The following SPMIP5 variants were observed in gnomAD, a reference collection of about 807,000 sequenced individuals.
SPMIP5 encodes the protein sperm microtubule inner protein 5.
At chr10:116,668,843 G>A in the SPMIP5 span, among the ~76,000 whole-genome samples, 1 of 151,784 alleles carries the variant, frequency 6.6e-6, no homozygotes, top group South Asian at 2.1e-4. Flanking sequence ...AATGTCCAGA[G>A]GCATATTTGG....
chr10:116,663,074 T>G, the SPMIP5 span, among the ~76,000 whole-genome samples: 1 of 149,754 alleles, frequency 6.7e-6, no homozygotes, highest in Non-Finnish European at 1.5e-5. Context: ...CCCAGCTACT[T>G]GGGAGGCTGA....
the SPMIP5 span, among the ~76,000 whole-genome samples, chr10:116,662,752 A>T: frequency 6.6e-6 from 1 of 152,144 alleles, no homozygotes; most frequent in Admixed American, 6.5e-5. Flanking sequence ...TCCCTCAAAA[A>T]AAACATGAAA....
chr10:116,665,066 C>T, the SPMIP5 span: 1 of 1,485,614 alleles, frequency 6.7e-7, no homozygotes, highest in Non-Finnish European at 8.9e-7. Flanking sequence ...GACCAGCACC[C>T]TCTTCCCTAA....
chr10:116,663,025 AC>A, the SPMIP5 span, among the ~76,000 whole-genome samples: 2 of 152,042 alleles, frequency 1.3e-5, no homozygotes, highest in Non-Finnish European at 2.9e-5. Context: ...TACTAAAAAT[AC>A]AAAAAATCAG....
the SPMIP5 span, among the ~76,000 whole-genome samples, chr10:116,668,933 GCACACA>G: frequency 0.3 from 40,510 of 135,272 alleles, 6,201 homozygotes; most frequent in Admixed American, 0.37. Context: ...GCACACACAT[GCACACA>G]CACACACACA....
the SPMIP5 span, among the ~76,000 whole-genome samples, chr10:116,667,942 ATGTGTCTATCCTCATCACAT>A: frequency 1.0e-3 from 154 of 152,322 alleles, no homozygotes; most frequent in Non-Finnish European, 1.8e-3. Context: ...CTACTTATTC[ATGTGTCTATCCTCATCACAT>A]TGTGTCTATC....
the SPMIP5 span, chr10:116,668,254 T>C: frequency 6.2e-7 from 1 of 1,613,230 alleles, no homozygotes; most frequent in Non-Finnish European, 8.5e-7. Context: ...ACGTCCACAC[T>C]TACCGCTATA....
chr10:116,665,105 GTT>G, the SPMIP5 span: 1 of 1,398,370 alleles, frequency 7.2e-7, no homozygotes. Context: ...CCCTAGAAAT[GTT>G]TCTTTCTGGC....
At chr10:116,663,698 C>T in the SPMIP5 span, 44 of 549,816 alleles carry the variant, frequency 8.0e-5, no homozygotes, top group Middle Eastern at 1.0e-3. Flanking sequence ...CTTTAGCATG[C>T]GGAGAAGCAG....
At chr10:116,668,186 G>A in the SPMIP5 span, 3 of 1,453,414 alleles carry the variant, frequency 2.1e-6, no homozygotes, top group Non-Finnish European at 2.9e-6. Flanking sequence ...CAGACAGTGG[G>A]TCAAGGCAGG....
At chr10:116,670,158 T>A in the SPMIP5 span, 68 of 152,480 alleles carry the variant, frequency 4.5e-4, no homozygotes, top group African/African-American at 1.5e-3. Flanking sequence ...GCAGTAAACA[T>A]CTGGCCTCGG....
chr10:116,665,663 C>T, the SPMIP5 span: 1 of 1,614,158 alleles, frequency 6.2e-7, no homozygotes. Context: ...GCAGGACCGT[C>T]TCCTCGGAGT....
the SPMIP5 span, chr10:116,665,045 C>T: frequency 6.6e-7 from 1 of 1,515,296 alleles, no homozygotes. Context: ...CCTAGGGTCT[C>T]CTAGTTCTCA....
At chr10:116,668,279 G>T in the SPMIP5 span, 1 of 1,613,986 alleles carries the variant, frequency 6.2e-7, no homozygotes, top group South Asian at 1.1e-5. Context: ...GGTGTGATTG[G>T]CAGGTTTCTC....
At chr10:116,666,574 A>C in the SPMIP5 span, among the ~76,000 whole-genome samples, 1 of 152,112 alleles carries the variant, frequency 6.6e-6, no homozygotes, top group East Asian at 1.9e-4. Context: ...CATGGTCTCC[A>C]GGAAAACAAA....
At chr10:116,664,883 C>G in the SPMIP5 span, 1 of 1,614,120 alleles carries the variant, frequency 6.2e-7, no homozygotes. Flanking sequence ...CCTTGGCTCT[C>G]GGCAGGTAGC....
the SPMIP5 span, among the ~76,000 whole-genome samples, chr10:116,667,442 CAG>C: frequency 6.6e-6 from 1 of 152,212 alleles, no homozygotes; most frequent in Non-Finnish European, 1.5e-5. Flanking sequence ...GTACTTACCA[CAG>C]AGAGGCAAGT....
At chr10:116,664,704 G>C in the SPMIP5 span, 1 of 1,586,334 alleles carries the variant, frequency 6.3e-7, no homozygotes, top group African/African-American at 1.3e-5. Flanking sequence ...CCCCATCCTG[G>C]GTTTGCACTT....
chr10:116,668,469 A>C, the SPMIP5 span: 1 of 698,324 alleles, frequency 1.4e-6, no homozygotes, highest in Non-Finnish European at 2.6e-6. Flanking sequence ...ACCTTACCCA[A>C]AGCCAGAGAC....
Sources: allele counts gnomAD v4.1 joint callset (sites outside exome capture counted in the v4.1 genomes callset), GRCh38; gene constraint gnomAD v4.1.1; transcripts MANE v1.5; gene names NCBI Gene and HGNC (gene_info 2026-07-23, HGNC 2026-07-21).